The following NR5A1 variants were observed in gnomAD, a reference collection of about 807,000 sequenced individuals.
NR5A1 encodes the protein steroidogenic factor 1.
In NR5A1, 6 loss-of-function variants were observed where a neutral mutation model predicts 42.7. The observed-to-expected ratio is 0.14, with a 90% CI of 0.08 to 0.28. The LOEUF is 0.28. Among genes scored for constraint, NR5A1 ranks in the 10% least tolerant of loss-of-function variants. The probability of loss-of-function intolerance (pLI) is 1.00; values close to 1 mark genes in which losing one functional copy is unlikely to be tolerated. For synonymous variants in NR5A1, 274 were observed against 277.5 expected, an observed-to-expected ratio of 0.99 and a Z score of 0.12; for missense variants, 442 against 626.4, an observed-to-expected ratio of 0.71 and a Z score of 3.14.
At chr9:124,504,870 T>G in intron 1 of NR5A1, among the ~76,000 whole-genome samples, 1 of 48,106 alleles carries the variant, frequency 2.1e-5, no homozygotes, top group Admixed American at 2.2e-4. Context: ...GGCTCCCCCC[T>G]CCCGCCTCCC....
chr9:124,504,391 A>G (rs1430537453), intron 1 of NR5A1, among the ~76,000 whole-genome samples: 2 of 151,744 alleles, frequency 1.3e-5, no homozygotes, highest in African/African-American at 4.8e-5. Context: ...GCGGAAAACG[A>G]CGGCGCCGGG....
At chr9:124,506,866 G>T in intron 1 of NR5A1, 1 of 152,932 alleles carries the variant, frequency 6.5e-6, no homozygotes, top group Non-Finnish European at 1.5e-5. Context: ...TACACAGCAA[G>T]ACTCAGAGAG....
At position 124,498,065 on chromosome 9, in the gene NR5A1, C is replaced by T. The variant is rs982992698; in HGVS notation, c.870+2025G>A. Among the ~76,000 whole-genome samples, 6 of 152,212 alleles carry T rather than the reference C, an allele frequency of 3.9e-5. No homozygotes were observed. Among genetic ancestry groups the T allele is most frequent in the African/African-American group, 1.4e-4 (6 of 41,460 alleles). ...ATGTCCCCAGTGTCCAGCCCAAGGG[C>T]TGCTCCACTCTCAGAGCCAGAGAGC... On this transcript the variant is annotated intron_variant, in intron 4 of 6. Transcript: ENST00000373588. This position sits in a 1 kb window ranked among gnomAD's most constrained non-coding sequence, Gnocchi z 4.6.
In NR5A1 at chr9:124,487,700, A is replaced by AG. The variant is rs1250104672; in HGVS notation, c.1138+3380dup. On this transcript the variant is annotated intron_variant, in intron 6 of 6. Coordinates refer to ENST00000373588, the MANE Select transcript of NR5A1 (RefSeq NM_004959.5). Reference sequence around the variant, plus strand: ...CCGGCCCAGGGCGGAGCCGCCCCCGAGGGGGACGCCCTGCGCGCCAGCTGG... The same window carrying AG: ...CCGGCCCAGGGCGGAGCCGCCCCCGAGGGGGGACGCCCTGCGCGCCAGCTGG... Among the ~76,000 whole-genome samples, 4 of 152,324 alleles carry AG rather than the reference A, an allele frequency of 2.6e-5. No individual in the cohort carries two copies. The East Asian group carries it at 7.7e-4, about 29-fold the overall frequency.
chr9:124,502,551 A>G (rs1832486343), intron 3 of NR5A1, among the ~76,000 whole-genome samples: 1 of 152,076 alleles, frequency 6.6e-6, no homozygotes, highest in Non-Finnish European at 1.5e-5. Context: ...CTGGTCTTAA[A>G]CTTCTGGGCT....
In NR5A1 at chr9:124,498,874, C is replaced by G. The variant is rs1443373459; in HGVS notation, c.870+1216G>C. On this transcript the variant is annotated intron_variant, in intron 4 of 6. Transcript: ENST00000373588. The surrounding 1 kb of genome is among the most constrained non-coding windows in gnomAD (Gnocchi z 4.6). ...ACTCCCAGATGGCCCAGGCCCCAGTCCCGCGATGCCCCTAGGGCTCGGAGC... is the reference window on the plus strand; with the variant it reads ...ACTCCCAGATGGCCCAGGCCCCAGTGCCGCGATGCCCCTAGGGCTCGGAGC... Among the ~76,000 whole-genome samples the G allele has an allele frequency of 2.0e-5, 3 of 152,216 alleles. No individual in the cohort carries two copies. In the East Asian group the frequency reaches 5.8e-4, roughly 29 times the overall value.
At chr9:124,502,238 C>T (rs947381953) in intron 3 of NR5A1, among the ~76,000 whole-genome samples, 3 of 151,796 alleles carry the variant, frequency 2.0e-5, no homozygotes, top group Admixed American at 2.0e-4. Context: ...TGCACCGATC[C>T]CCACACTCAC....
At chr9:124,489,671 C>A (rs1368355417) in intron 6 of NR5A1, among the ~76,000 whole-genome samples, 1 of 152,116 alleles carries the variant, frequency 6.6e-6, no homozygotes, top group Non-Finnish European at 1.5e-5. Flanking sequence ...CCAGCTGCAG[C>A]CAACCGAGCC....
In NR5A1 at chr9:124,496,070, G is replaced by T. The variant is rs114050872; in HGVS notation, c.871-2921C>A. On this transcript the variant is annotated intron_variant, in intron 4 of 6. Transcript: ENST00000373588. This position sits in a 1 kb window ranked among gnomAD's most constrained non-coding sequence, Gnocchi z 5.0. Reference sequence around the variant, plus strand: ...TCTTACGTGGATGCTGCCCGGCCGGGATCCCACCTGCCCCTTGGCCAAGCA... The same window carrying T: ...TCTTACGTGGATGCTGCCCGGCCGGTATCCCACCTGCCCCTTGGCCAAGCA... Among the ~76,000 whole-genome samples the T allele has an allele frequency of 3.3e-3, 498 of 152,236 alleles. 1 individual carries two copies. Among genetic ancestry groups the T allele is most frequent in the African/African-American group, 0.01 (434 of 41,534 alleles).
rs1588624967 is a variant in NR5A1, at chr9:124,505,552, C to T, written c.-16+1697G>A. The stretch of plus-strand genomic sequence containing the variant: ...GAACCCAAGCAGTAGGGGCAAAGCA[C>T]GCGTGTGGCCTGGCGGAAGCGCTCA... On this transcript the variant is annotated intron_variant, in intron 1 of 6. Coordinates refer to ENST00000373588, the MANE Select transcript of NR5A1 (RefSeq NM_004959.5). 1.3e-5 allele frequency among the ~76,000 whole-genome samples: 2 copies of T among 152,308 alleles called. 1 individual carries two copies. Among genetic ancestry groups the T allele is most frequent in the South Asian group, 4.1e-4 (2 of 4,830 alleles).
intron 1 of NR5A1, among the ~76,000 whole-genome samples, chr9:124,505,280 C>T (rs1832539921): frequency 6.6e-6 from 1 of 152,228 alleles, no homozygotes; most frequent in South Asian, 2.1e-4. Flanking sequence ...TGTCTGTGAA[C>T]CCAGCTGGGT....
intron 5 of NR5A1, among the ~76,000 whole-genome samples, chr9:124,491,763 C>T (rs75198227): frequency 0.011 from 1,703 of 152,240 alleles, 41 homozygotes; most frequent in East Asian, 0.086. Context: ...CCACACCCGC[C>T]CTTGTACGCT....
Position 124,481,857 on chromosome 9 carries a change from C to T in NR5A1, c.*901G>A, listed in dbSNP as rs1410985918. 1 of 152,318 alleles carries T rather than the reference C, an allele frequency of 6.6e-6. No individual in the cohort carries two copies. The highest frequency in any genetic ancestry group is 2.4e-5 in the African/African-American group (1 of 41,468). 9.4% of individuals were successfully genotyped at this position (152,318 alleles called of 1,614,324 possible). A position where few individuals can be genotyped will look rare whatever the true frequency, so the allele number is the denominator to read the frequency against. On this transcript the variant is annotated 3_prime_UTR_variant, in exon 7 of 7. Coordinates refer to ENST00000373588, the MANE Select transcript of NR5A1 (RefSeq NM_004959.5). ...AGGCGAGTGTCCGGGGAGAAACCGT[C>T]AGCTGTACTTAGTGGCAATCCCCAA...
At chr9:124,486,906 C>T (rs1282593475) in intron 6 of NR5A1, among the ~76,000 whole-genome samples, 1 of 152,252 alleles carries the variant, frequency 6.6e-6, no homozygotes, top group Non-Finnish European at 1.5e-5. Context: ...AGTCACTTCC[C>T]CTCTCTGAGC....
intron 4 of NR5A1, among the ~76,000 whole-genome samples, chr9:124,493,667 G>A (rs987111767): frequency 2.0e-5 from 3 of 152,200 alleles, no homozygotes; most frequent in Non-Finnish European, 4.4e-5. Context: ...CTTCCCCCCC[G>A]GGCCTACGCA....
intron 5 of NR5A1, among the ~76,000 whole-genome samples, chr9:124,492,274 C>T (rs776540350): frequency 1.3e-5 from 2 of 151,016 alleles, no homozygotes; most frequent in Non-Finnish European, 1.5e-5. Flanking sequence ...CAGCCCATCT[C>T]TCCAGGTGAG....
intron 1 of NR5A1, among the ~76,000 whole-genome samples, chr9:124,504,837 G>A (rs936756565): frequency 6.8e-6 from 1 of 146,248 alleles, no homozygotes; most frequent in African/African-American, 2.5e-5. Context: ...GCGGGGGCGC[G>A]GGGCTGGCGG....
chr9:124,499,043 C>A (rs1832428312), intron 4 of NR5A1, among the ~76,000 whole-genome samples: 1 of 152,222 alleles, frequency 6.6e-6, no homozygotes, highest in Non-Finnish European at 1.5e-5. Flanking sequence ...GGGCAACGGG[C>A]CCTGCTGTTT....
chr9:124,497,289 C>T (rs1324340246), intron 4 of NR5A1, among the ~76,000 whole-genome samples: 2 of 152,226 alleles, frequency 1.3e-5, no homozygotes, highest in African/African-American at 4.8e-5. Context: ...GGAGTGAAGT[C>T]ACTTGCCCAA....
Sources: gnomAD v4.1 joint callset for allele counts (sites outside exome capture counted in the v4.1 genomes callset) on GRCh38, gnomAD v4.1.1 for gene constraint, Gnocchi (gnomAD v3.1) non-coding constraint, MANE v1.5 for transcripts, NCBI Gene and HGNC (gene_info 2026-07-23, HGNC 2026-07-21) for gene names.